The following MTHFD1 variants were observed in gnomAD, a reference collection of about 807,000 sequenced individuals.
MTHFD1 encodes methylenetetrahydrofolate dehydrogenase, cyclohydrolase and formyltetrahydrofolate synthetase 1.
MTHFD1 carries 44 observed loss-of-function variants against 110.3 expected under a neutral mutation model. The observed-to-expected ratio is 0.40, with a 90% CI of 0.31 to 0.51. The LOEUF is 0.51. Among genes scored for constraint, MTHFD1 ranks in the 20% least tolerant of loss-of-function variants. MTHFD1 has a pLI of 0.60. For missense variants in MTHFD1, 909 were observed against 1,173.1 expected (o/e 0.77, Z 3.29); for synonymous variants, 402 against 428.8 (o/e 0.94, Z 0.77).
At chr14:64,396,434 T>TCACTTACTTGCACTCACTTTC (rs2077849748) in intron 1 of MTHFD1, among the ~76,000 whole-genome samples, 1 of 146,392 alleles carries the variant, frequency 6.8e-6, no homozygotes, top group Non-Finnish European at 1.5e-5. Flanking sequence ...TCTTGTTGCC[T>TCACTTACTTGCACTCACTTTC]AGGCTGGAGT....
chr14:64,435,333 T>A lies in MTHFD1; in HGVS notation c.1495-236T>A, dbSNP rs185751143. On this transcript the variant is annotated intron_variant, in intron 15 of 27. Coordinates refer to ENST00000652337, the MANE Select transcript of MTHFD1 (RefSeq NM_005956.4). Reference sequence around the variant, plus strand: ...ATATTTGTGGCATCCCAGGTTATAATCCTCGTTGCTCATTCCTGAATAAAC... The same window carrying A: ...ATATTTGTGGCATCCCAGGTTATAAACCTCGTTGCTCATTCCTGAATAAAC... Among the ~76,000 whole-genome samples, 7 of 152,250 alleles carry A rather than the reference T, an allele frequency of 4.6e-5. No homozygotes were observed. In the East Asian group the frequency reaches 1.4e-3, roughly 30 times the overall value.
rs773683051 is a variant in MTHFD1 at position 64,449,472 on chromosome 14, C to T, written c.2307C>T (p.Leu769=). ...FKTDTESELD[L]ISRLSREHGA... ...CGGATACAGAGTCTGAGCTGGACCT[C>T]ATCAGCCGCCTTTCCAGAGAACATG... The change falls in exon 24 of 28, where the codon CTC becomes CTT. Residue 769 remains leucine (L), a synonymous_variant. Transcript: ENST00000652337. The T allele has an allele frequency of 3.1e-6, 5 of 1,613,722 alleles. No homozygotes were observed. In the African/African-American group the frequency reaches 6.7e-5, roughly 22 times the overall value.
chr14:64,458,481 T>C, intron 27 of MTHFD1, 174 bp downstream of exon 27: 1 of 651,448 alleles, frequency 1.5e-6, no homozygotes. Flanking sequence ...AACCAATGAA[T>C]TGAAATATTT....
intron 1 of MTHFD1, among the ~76,000 whole-genome samples, chr14:64,391,325 C>T (rs748689572): frequency 2.6e-5 from 4 of 152,048 alleles, no homozygotes; most frequent in Admixed American, 6.6e-5. Flanking sequence ...CTACTATGCC[C>T]GGCTAATTTT....
In MTHFD1 at chr14:64,454,846, G is replaced by C. The variant is rs1350317658; in HGVS notation, c.2689G>C (p.Ala897Pro). ...TCGCGACATCCGCGCCAGCGTTGGGGCTGGTTTTCTGTACCCCTTAGTAGG... is the reference window on the plus strand; with the variant it reads ...TCGCGACATCCGCGCCAGCGTTGGGCCTGGTTTTCTGTACCCCTTAGTAGG... ...PIRDIRASVG[A>P]GFLYPLVGTM... The change falls in exon 26 of 28, where the codon GCT (alanine) becomes CCT (proline). Residue 897 changes from alanine (A) to proline (P), a missense_variant. Physicochemically the swap from Ala to Pro is conservative, Grantham distance 27 (BLOSUM62 -1). Around this residue, in one of 3 missense-constraint regions of MTHFD1, gnomAD observed 482 missense variants for 646.0 expected, o/e 0.75. Transcript: ENST00000652337. 1.2e-6 allele frequency: 2 copies of C among 1,614,112 alleles called. No individual in the cohort carries two copies. Among genetic ancestry groups the C allele is most frequent in the African/African-American group, 1.3e-5 (1 of 74,936 alleles).
intron 2 of MTHFD1, among the ~76,000 whole-genome samples, chr14:64,401,383 A>G (rs1321895989): frequency 2.0e-5 from 3 of 152,126 alleles, no homozygotes; most frequent in Non-Finnish European, 4.4e-5. Context: ...ATACAGATTT[A>G]TCCATTAATG....
chr14:64,459,276 G>C (rs535815280), intron 27 of MTHFD1, among the ~76,000 whole-genome samples: 1 of 152,282 alleles, frequency 6.6e-6, no homozygotes, highest in Admixed American at 6.5e-5. Context: ...ACCCTCATTT[G>C]GACATTAGCG....
intron 16 of MTHFD1, among the ~76,000 whole-genome samples, chr14:64,435,897 TG>T (rs1440510261): frequency 6.6e-6 from 1 of 152,234 alleles, no homozygotes; most frequent in Non-Finnish European, 1.5e-5. Context: ...AACATTTTGC[TG>T]GCTATTCAGT....
At chr14:64,400,517 C>G (rs2077887485) in intron 1 of MTHFD1, among the ~76,000 whole-genome samples, 2 of 152,110 alleles carry the variant, frequency 1.3e-5, no homozygotes, top group African/African-American at 4.8e-5. Flanking sequence ...TGAAACCCAT[C>G]TCTACCAAAA....
intron 15 of MTHFD1, among the ~76,000 whole-genome samples, chr14:64,434,581 C>T (rs986914733): frequency 1.3e-5 from 2 of 152,100 alleles, no homozygotes; most frequent in Non-Finnish European, 2.9e-5. Context: ...AAAATTGTTT[C>T]CAACAACTTT....
intron 6 of MTHFD1, 148 bp downstream of exon 6, chr14:64,415,887 T>C: frequency 1.3e-6 from 1 of 797,210 alleles, no homozygotes; most frequent in African/African-American, 1.7e-5. Context: ...TTACCTAAAT[T>C]TTCTCTCAAT....
At chr14:64,405,734 A>G (rs1387851409) in intron 2 of MTHFD1, among the ~76,000 whole-genome samples, 3 of 152,102 alleles carry the variant, frequency 2.0e-5, no homozygotes, top group Non-Finnish European at 4.4e-5. Flanking sequence ...TTCTATCTAT[A>G]TACCTCCTGT....
intron 13 of MTHFD1, 24 bp downstream of exon 13, chr14:64,430,254 G>A (rs1017929496): frequency 2.5e-6 from 4 of 1,609,974 alleles, no homozygotes; most frequent in Non-Finnish European, 3.4e-6. Context: ...GGATTTGGCT[G>A]AATTAGATCC....
Position 64,424,880 on chromosome 14 carries a change from C to T in MTHFD1, c.804C>T (p.Ile268=), listed in dbSNP as rs2078107186. The change falls in exon 9 of 28, where the codon ATC becomes ATT. Residue 268 remains isoleucine, a synonymous_variant. Transcript: ENST00000652337. ...AGGCCAAAGAGAGGGCGAGCTTCAT[C>T]ACTCCTGTTCCTGGCGGCGTAGGGC... ...YDEAKERASF[I]TPVPGGVGPM... 6.2e-7 allele frequency: 1 copy of T among 1,614,202 alleles called. No homozygotes were observed. Among genetic ancestry groups the T allele is most frequent in the Non-Finnish European group, 8.5e-7 (1 of 1,180,034 alleles).
chr14:64,407,651 G>A (rs1234109592), intron 2 of MTHFD1, among the ~76,000 whole-genome samples: 1 of 151,080 alleles, frequency 6.6e-6, no homozygotes, highest in South Asian at 2.1e-4. Context: ...GTCCCCCAGG[G>A]GATCCTCCCA....
intron 26 of MTHFD1, among the ~76,000 whole-genome samples, chr14:64,455,869 T>C (rs950850596): frequency 2.0e-5 from 3 of 152,190 alleles, no homozygotes; most frequent in Non-Finnish European, 4.4e-5. Context: ...CAGTGGTGCT[T>C]AGCACAAATG....
In MTHFD1 at chr14:64,441,633, C is replaced by T. The variant is rs185514036; in HGVS notation, c.1884+180C>T. The T allele has an allele frequency of 4.4e-4, 273 of 618,720 alleles. 1 individual carries two copies. Among genetic ancestry groups the T allele is most frequent in the South Asian group, 2.7e-3 (160 of 60,158 alleles). 38.3% of individuals were successfully genotyped at this position (618,720 alleles called of 1,614,324 possible). A position where few individuals can be genotyped will look rare whatever the true frequency, so the allele number is the denominator to read the frequency against. ...CATCCTGGCTAACATGGTGAAACCC[C>T]GTCTCTACTAAAAATACAAAAAATT... On this transcript the variant is annotated intron_variant, in intron 19 of 27. Transcript: ENST00000652337.
intron 15 of MTHFD1, among the ~76,000 whole-genome samples, chr14:64,434,762 G>A (rs534788211): frequency 2.6e-5 from 4 of 151,830 alleles, no homozygotes; most frequent in African/African-American, 9.7e-5. Flanking sequence ...ATCCAGCAAC[G>A]GCAACTGCAC....
intron 9 of MTHFD1, 23 bp downstream of exon 9, chr14:64,424,954 A>C (rs1219371695): frequency 1.2e-6 from 2 of 1,614,084 alleles, no homozygotes; most frequent in Non-Finnish European, 1.7e-6. Context: ...AAAAGTTTCT[A>C]TAAGAGTTCT....
Sources: gnomAD v4.1 joint callset for allele counts (sites outside exome capture counted in the v4.1 genomes callset) on GRCh38, gnomAD v4.1.1 for gene constraint, gnomAD v4.1.1 regional missense constraint, MANE v1.5 for transcripts, NCBI Gene and HGNC (gene_info 2026-07-23, HGNC 2026-07-21) for gene names.